The following TACR3 variants were observed in gnomAD, a reference collection of about 807,000 sequenced individuals.
The protein encoded by TACR3 is neuromedin-K receptor.
A neutral mutation model predicts 35.0 loss-of-function variants in TACR3; 34 were observed. The observed-to-expected ratio is 0.97, with a 90% CI of 0.74 to 1.30. TACR3 has a LOEUF of 1.30. Among genes scored for constraint, TACR3 ranks in the 50% most tolerant of loss-of-function variants. TACR3 has a pLI of 0.00. For missense variants in TACR3, 558 were observed against 591.7 expected, an observed-to-expected ratio of 0.94 and a Z score of 0.59; for synonymous variants, 233 against 221.1, an observed-to-expected ratio of 1.05 and a Z score of -0.48.
chr4:103,600,710 A>G lies in TACR3; in HGVS notation c.889-9027T>C, dbSNP rs542122780. On this transcript the variant is annotated intron_variant, in intron 3 of 4. Coordinates refer to ENST00000304883, the MANE Select transcript of TACR3 (RefSeq NM_001059.3). ...ACATCTTTATTTCTGCCTTCATTTC[A>G]TTATTTACCCAGTAGTCATTCAGGA... is the stretch of plus-strand genomic sequence containing the variant. 1.5e-3 allele frequency among the ~76,000 whole-genome samples: 230 copies of G among 152,102 alleles called. 3 individuals carry two copies. Among genetic ancestry groups the G allele is most frequent in the African/African-American group, 5.2e-3 (215 of 41,468 alleles).
intron 1 of TACR3, among the ~76,000 whole-genome samples, chr4:103,659,710 T>C (rs1725799828): frequency 6.6e-6 from 1 of 152,140 alleles, no homozygotes; most frequent in Non-Finnish European, 1.5e-5. Context: ...AATATGACTT[T>C]TGGAGGGCAA....
At chr4:103,604,093 G>C (rs1335367280) in intron 3 of TACR3, among the ~76,000 whole-genome samples, 1 of 152,192 alleles carries the variant, frequency 6.6e-6, no homozygotes, top group Non-Finnish European at 1.5e-5. Flanking sequence ...ACAATCCTAA[G>C]CTAAAAGAAC....
chr4:103,610,012 C>T (rs1419055656), intron 3 of TACR3, among the ~76,000 whole-genome samples: 1 of 151,964 alleles, frequency 6.6e-6, no homozygotes, highest in East Asian at 1.9e-4. Flanking sequence ...TTTAACCATG[C>T]ATCTCTTGGT....
chr4:103,709,475 T>C (rs200482697), intron 1 of TACR3, among the ~76,000 whole-genome samples: 6 of 152,146 alleles, frequency 3.9e-5, no homozygotes, highest in South Asian at 4.1e-4. Flanking sequence ...TTGTCACCAC[T>C]AGGCCTGCCC....
chr4:103,616,134 T>C (rs1247468380), intron 3 of TACR3, among the ~76,000 whole-genome samples: 1 of 152,136 alleles, frequency 6.6e-6, no homozygotes, highest in Non-Finnish European at 1.5e-5. Context: ...GACAGGATAG[T>C]GAAGAATGCA....
intron 3 of TACR3, among the ~76,000 whole-genome samples, chr4:103,605,926 T>C (rs556202245): frequency 2.0e-5 from 3 of 152,312 alleles, no homozygotes; most frequent in African/African-American, 7.2e-5. Context: ...TGGTAATGCC[T>C]AGGTTTTCTT....
intron 3 of TACR3, among the ~76,000 whole-genome samples, chr4:103,623,938 G>C (rs1724837675): frequency 6.6e-6 from 1 of 152,020 alleles, no homozygotes; most frequent in Non-Finnish European, 1.5e-5. Flanking sequence ...AGGGTATTTT[G>C]TTTTAAAGTA....
At chr4:103,688,311 G>A (rs548971598) in intron 1 of TACR3, among the ~76,000 whole-genome samples, 18 of 152,268 alleles carry the variant, frequency 1.2e-4, no homozygotes, top group Non-Finnish European at 2.1e-4. Context: ...GAAAACCTAC[G>A]CATTGCCATT....
chr4:103,708,852 G>A (rs1349375004), intron 1 of TACR3, among the ~76,000 whole-genome samples: 2 of 152,210 alleles, frequency 1.3e-5, no homozygotes, highest in African/African-American at 4.8e-5. Flanking sequence ...AGAACTATGT[G>A]ACAAATGCAC....
chr4:103,703,120 A>G (rs1722699798), intron 1 of TACR3, among the ~76,000 whole-genome samples: 1 of 152,192 alleles, frequency 6.6e-6, no homozygotes. Context: ...AACAAAGTTT[A>G]ATCAATTTGT....
At chr4:103,612,712 G>A (rs972661070) in intron 3 of TACR3, among the ~76,000 whole-genome samples, 4 of 152,036 alleles carry the variant, frequency 2.6e-5, no homozygotes, top group African/African-American at 9.7e-5. Flanking sequence ...ATCTCGCCAT[G>A]TTGGCCAGGT....
intron 3 of TACR3, among the ~76,000 whole-genome samples, chr4:103,608,519 A>T (rs1033596052): frequency 2.0e-5 from 3 of 152,088 alleles, no homozygotes; most frequent in African/African-American, 7.2e-5. Context: ...ATACCCATGA[A>T]ACAAATTTGC....
chr4:103,589,615 A>G lies in TACR3; in HGVS notation c.*67T>C. 6.3e-7 allele frequency: 1 copy of G among 1,586,520 alleles called. No individual in the cohort carries two copies. Among genetic ancestry groups the G allele is most frequent in the South Asian group, 1.1e-5 (1 of 90,222 alleles). On this transcript the variant is annotated 3_prime_UTR_variant, in exon 5 of 5. Coordinates refer to ENST00000304883, the MANE Select transcript of TACR3 (RefSeq NM_001059.3). ...GGTATATAGGACAGGACTGGTAAAT[A>G]GGAGAATGGGGTCCTAGACTGGCAC...
chr4:103,655,708 C>A (rs921161115), intron 3 of TACR3, among the ~76,000 whole-genome samples: 1 of 151,694 alleles, frequency 6.6e-6, no homozygotes, highest in Non-Finnish European at 1.5e-5. Context: ...AAAGAACACA[C>A]AGAGAAAGTG....
chr4:103,636,055 TAAAC>T (rs1429707118), intron 3 of TACR3, among the ~76,000 whole-genome samples: 1 of 151,994 alleles, frequency 6.6e-6, no homozygotes, highest in Non-Finnish European at 1.5e-5. Context: ...TTCTCAAAAA[TAAAC>T]AGCTAAATTT....
chr4:103,694,419 T>C (rs767050041), intron 1 of TACR3, among the ~76,000 whole-genome samples: 1 of 152,160 alleles, frequency 6.6e-6, no homozygotes, highest in Non-Finnish European at 1.5e-5. Context: ...CCAGGTGGAC[T>C]GCAACTCAAG....
Position 103,674,417 on chromosome 4 carries a change from G to A in TACR3, c.549-16014C>T, listed in dbSNP as rs773532418. ...AGCTACCAGATAAACTGTGGAAATA[G>A]ATGGAAGTAGGCTCCCTCACAACTC... is the stretch of plus-strand genomic sequence containing the variant. On this transcript the variant is annotated intron_variant, in intron 1 of 4. Transcript: ENST00000304883. Among the ~76,000 whole-genome samples the A allele has an allele frequency of 5.2e-4, 79 of 152,002 alleles. 2 individuals are homozygous for A. The highest frequency in any genetic ancestry group is 6.6e-4 in the Admixed American group (10 of 15,254).
At position 103,668,747 on chromosome 4, in the gene TACR3, G is replaced by A. The variant is rs549067646; in HGVS notation, c.549-10344C>T. On this transcript the variant is annotated intron_variant, in intron 1 of 4. Transcript: ENST00000304883. ...ACCTGTAATCCCAGCTACTCAGGAG[G>A]CTGAGGCAGGAGAATTGCTTGAACT... is the stretch of plus-strand genomic sequence containing the variant. Among the ~76,000 whole-genome samples, 13 of 151,810 alleles carry A rather than the reference G, an allele frequency of 8.6e-5. No individual in the cohort carries two copies. In the South Asian group the frequency reaches 2.5e-3, roughly 29 times the overall value.
intron 3 of TACR3, among the ~76,000 whole-genome samples, chr4:103,635,066 G>C (rs1287486812): frequency 1.3e-5 from 2 of 151,886 alleles, no homozygotes; most frequent in Non-Finnish European, 2.9e-5. Context: ...TTGATGTGCT[G>C]GGTCTGCGCA....
Sources: allele counts gnomAD v4.1 joint callset (sites outside exome capture counted in the v4.1 genomes callset), GRCh38; gene constraint gnomAD v4.1.1; transcripts MANE v1.5; gene names NCBI Gene and HGNC (gene_info 2026-07-23, HGNC 2026-07-21).